Variants in PRSS12 observed in about 807,000 individuals in gnomAD.
PRSS12 encodes neurotrypsin.
A neutral mutation model predicts 104.4 loss-of-function variants in PRSS12; 85 were observed. The observed-to-expected ratio is 0.81, with a 90% CI of 0.68 to 0.98. The LOEUF (loss-of-function observed/expected upper bound fraction) is 0.98, where lower values mean the gene tolerates loss of function less well. Ranked by LOEUF, PRSS12 falls within the 50% of genes least tolerant of loss-of-function variation. PRSS12 has a pLI of 0.00. For synonymous variants in PRSS12, 454 were observed against 425.2 expected (o/e 1.07, Z -0.83); for missense variants, 1,141 against 1,139.2 (o/e 1.00, Z -0.02).
At chr4:118,300,077 C>T (rs1453724777) in intron 8 of PRSS12, among the ~76,000 whole-genome samples, 2 of 151,640 alleles carry the variant, frequency 1.3e-5, no homozygotes, top group Non-Finnish European at 2.9e-5. Context: ...ATGGCGTGAT[C>T]TCGGCTCACT....
intron 6 of PRSS12, among the ~76,000 whole-genome samples, chr4:118,314,814 TA>T (rs200042299): frequency 0.013 from 1,955 of 151,976 alleles, 36 homozygotes; most frequent in African/African-American, 0.04. Flanking sequence ...TTTTCATTAA[TA>T]AAAAAATATG....
At chr4:118,289,051 A>T (rs1743075972) in intron 11 of PRSS12, among the ~76,000 whole-genome samples, 1 of 152,212 alleles carries the variant, frequency 6.6e-6, no homozygotes, top group African/African-American at 2.4e-5. Context: ...ACCCTTAAAG[A>T]GACTACTCCA....
Position 118,308,519 on chromosome 4 carries a change from A to G in PRSS12, c.1548T>C (p.Phe516=), listed in dbSNP as rs990980712. Residue 516 remains phenylalanine (F), a synonymous_variant, in exon 8 of 13, where the codon TTT becomes TTC. Coordinates refer to ENST00000296498, the MANE Select transcript of PRSS12 (RefSeq NM_003619.4). ...ENKKEGRVEV[F]INGQWGTICD... ...AGATTGTTCCCCACTGGCCATTGAT[A>G]AAAACCTCCACTCGTCCTTCTTTCT... 2 of 1,614,080 alleles carry G rather than the reference A, an allele frequency of 1.2e-6. No homozygotes were observed. The highest frequency in any genetic ancestry group is 1.3e-5 in the African/African-American group (1 of 75,052).
intron 5 of PRSS12, among the ~76,000 whole-genome samples, chr4:118,316,856 A>ATATATATC (rs1344199649): frequency 5.4e-4 from 79 of 146,532 alleles, no homozygotes; most frequent in Admixed American, 1.4e-3. Context: ...ATATATATAT[A>ATATATATC]TCTTTCCTTT....
chr4:118,347,482 G>C (rs1464618820), intron 1 of PRSS12, among the ~76,000 whole-genome samples: 1 of 152,134 alleles, frequency 6.6e-6, no homozygotes, highest in African/African-American at 2.4e-5. Flanking sequence ...CTCTCCTCCA[G>C]AATCTCAATG....
chr4:118,282,993 G>A lies in PRSS12; in HGVS notation c.2158C>T (p.Pro720Ser). The change falls in exon 12 of 13, where the codon CCC becomes TCC. Residue 720 changes from proline to serine, a missense_variant. Transcript: ENST00000296498. ...GCTATGTCATAATCACTGCGGTCGG[G>A]TCGATACTCCCGATGAATCACAATC... ...QQIVIHREYRPDRSDYDIALV... is the reference protein window; with the variant it reads ...QQIVIHREYRSDRSDYDIALV... 6.2e-7 allele frequency: 1 copy of A among 1,614,110 alleles called. No individual in the cohort carries two copies. The highest frequency in any genetic ancestry group is 8.5e-7 in the Non-Finnish European group (1 of 1,180,030).
At chr4:118,334,559 C>CA (rs1288328053) in intron 3 of PRSS12, among the ~76,000 whole-genome samples, 39 of 145,672 alleles carry the variant, frequency 2.7e-4, no homozygotes, top group Admixed American at 7.5e-4. Flanking sequence ...CTCTCCCAGT[C>CA]AAAAAAAAAA....
chr4:118,301,437 T>G (rs1376896939), intron 8 of PRSS12, among the ~76,000 whole-genome samples: 2 of 152,202 alleles, frequency 1.3e-5, no homozygotes, highest in Admixed American at 1.3e-4. Flanking sequence ...GCAGTGTCAC[T>G]GACCTCTTTG....
At chr4:118,325,303 ACC>A in intron 4 of PRSS12, among the ~76,000 whole-genome samples, 1 of 150,614 alleles carries the variant, frequency 6.6e-6, no homozygotes, top group East Asian at 2.0e-4. Flanking sequence ...GGTCCAATAT[ACC>A]CATGAAAAGC....
At chr4:118,341,532 A>G (rs1230849661) in intron 1 of PRSS12, among the ~76,000 whole-genome samples, 1 of 152,076 alleles carries the variant, frequency 6.6e-6, no homozygotes, top group East Asian at 1.9e-4. Context: ...AAAATACAAA[A>G]TTGGCCAGGC....
At chr4:118,298,020 C>A (rs1743293797) in intron 9 of PRSS12, among the ~76,000 whole-genome samples, 1 of 151,878 alleles carries the variant, frequency 6.6e-6, no homozygotes, top group East Asian at 1.9e-4. Flanking sequence ...CGCCTGTAAT[C>A]CCAGCTACTC....
chr4:118,298,946 C>T lies in PRSS12; in HGVS notation c.1632-8G>A. 5.0e-6 allele frequency: 8 copies of T among 1,613,864 alleles called. No homozygotes were observed. The highest frequency in any genetic ancestry group is 2.7e-5 in the African/African-American group (2 of 75,038). On this transcript the variant is annotated splice_region_variant and splice_polypyrimidine_tract_variant and intron_variant, in intron 8 of 12. Coordinates refer to ENST00000296498, the MANE Select transcript of PRSS12 (RefSeq NM_003619.4). ...CTTGCTCTGGCAGGACCCCTGAAGA[C>T]AGAACATTCTTAATCATGTGAAGAA...
chr4:118,297,708 C>T (rs984538167), intron 9 of PRSS12, among the ~76,000 whole-genome samples: 1 of 152,038 alleles, frequency 6.6e-6, no homozygotes, highest in Non-Finnish European at 1.5e-5. Context: ...ACAGGTGCAC[C>T]TGATTTTAAC....
intron 1 of PRSS12, among the ~76,000 whole-genome samples, chr4:118,346,996 C>T (rs1374162291): frequency 6.6e-6 from 1 of 151,758 alleles, no homozygotes; most frequent in Non-Finnish European, 1.5e-5. Context: ...CACACACAGA[C>T]AGTGACCACA....
intron 1 of PRSS12, 74 bp from the exon 2 acceptor site, chr4:118,338,388 A>G: frequency 5.7e-6 from 9 of 1,575,540 alleles, no homozygotes; most frequent in Non-Finnish European, 7.8e-6. Flanking sequence ...GTCCTGGGTT[A>G]ACATGATTTT....
chr4:118,339,246 T>C (rs1170835273), intron 1 of PRSS12, among the ~76,000 whole-genome samples: 1 of 152,110 alleles, frequency 6.6e-6, no homozygotes, highest in East Asian at 1.9e-4. Flanking sequence ...AACTTAAGAA[T>C]TGCATAAAAT....
Position 118,352,978 on chromosome 4 carries a change from C to G in PRSS12, c.-258G>C. On this transcript the variant is annotated 5_prime_UTR_variant, in exon 1 of 13. Transcript: ENST00000296498. The stretch of plus-strand genomic sequence containing the variant: ...CCGAGCCCCGGCCGGCGGAGAGGAC[C>G]GGAAAAGAGAAGGCGCGGACGCAGC... 1 of 925,728 alleles carries G rather than the reference C, an allele frequency of 1.1e-6. No homozygotes were observed. The highest frequency in any genetic ancestry group is 1.5e-6 in the Non-Finnish European group (1 of 680,876). 57.3% of individuals were successfully genotyped at this position (925,728 alleles called of 1,614,324 possible).
intron 12 of PRSS12, 75 bp from the exon 13 acceptor site, chr4:118,282,318 T>C (rs1742902133): frequency 6.4e-7 from 1 of 1,562,054 alleles, no homozygotes. Context: ...GAGCATGTAA[T>C]AGTTATGAAA....
Position 118,352,474 on chromosome 4 carries a change from C to T in PRSS12, c.247G>A (p.Gly83Arg). 7.3e-7 allele frequency: 1 copy of T among 1,374,410 alleles called. No homozygotes were observed. Among genetic ancestry groups the T allele is most frequent in the South Asian group, 1.8e-5 (1 of 56,832 alleles). 85.1% of individuals were successfully genotyped at this position (1,374,410 alleles called of 1,614,324 possible). A position where few individuals can be genotyped will look rare whatever the true frequency, so the allele number is the denominator to read the frequency against. ...PAQRPHALQA[G>R]HTPRPHPWGC... Reference sequence around the variant, plus strand: ...CAGGGGTGCGGCCGGGGCGTGTGCCCGGCCTGGAGGGCGTGCGGGCGCTGG... The same window carrying T: ...CAGGGGTGCGGCCGGGGCGTGTGCCTGGCCTGGAGGGCGTGCGGGCGCTGG... The change falls in exon 1 of 13, where the codon GGG becomes AGG. Residue 83 changes from glycine (G) to arginine (R), a missense_variant. Physicochemically the swap from Gly to Arg is moderately radical, Grantham distance 125. Transcript: ENST00000296498.
Sources: gnomAD v4.1 joint callset for allele counts (sites outside exome capture counted in the v4.1 genomes callset) on GRCh38, gnomAD v4.1.1 for gene constraint, MANE v1.5 for transcripts, NCBI Gene and HGNC (gene_info 2026-07-23, HGNC 2026-07-21) for gene names.